Variants in CADM2 observed in about 807,000 individuals in gnomAD.
CADM2 encodes the protein immunoglobulin superfamily member 4D.
Under a neutral mutation model 49.8 loss-of-function variants are expected in CADM2, and 12 were observed. That is an observed-to-expected ratio of 0.24 (90% CI 0.15 to 0.39). The LOEUF (loss-of-function observed/expected upper bound fraction) is 0.39. Ranked by LOEUF, CADM2 falls within the 10% of genes least tolerant of loss-of-function variation. The pLI is 1.00. For missense variants in CADM2, 378 were observed against 492.3 expected (o/e 0.77, Z 2.20); for synonymous variants, 214 against 175.4 (o/e 1.22, Z -1.74).
chr3:85,452,758 G>A (rs1049618716), intron 1 of CADM2, among the ~76,000 whole-genome samples: 1 of 152,140 alleles, frequency 6.6e-6, no homozygotes, highest in African/African-American at 2.4e-5. Context: ...GGTAGCAGAT[G>A]TGATTCGCTA....
At chr3:85,914,582 C>A (rs373039292) in intron 6 of CADM2, among the ~76,000 whole-genome samples, 19 of 152,186 alleles carry the variant, frequency 1.2e-4, no homozygotes, top group Middle Eastern at 6.8e-3. Context: ...ACTTAGTTAA[C>A]GGTAATTCTA....
intron 1 of CADM2, among the ~76,000 whole-genome samples, chr3:85,699,473 A>T (rs553709671): frequency 6.6e-6 from 1 of 152,348 alleles, no homozygotes; most frequent in South Asian, 2.1e-4. Flanking sequence ...AAATCCTAAG[A>T]CATCTAGGTG....
chr3:85,657,649 G>A (rs1441968336), intron 1 of CADM2, among the ~76,000 whole-genome samples: 2 of 148,482 alleles, frequency 1.3e-5, no homozygotes, highest in Non-Finnish European at 3.0e-5. Flanking sequence ...TTTCTTTTGA[G>A]AGCAGTATAC....
chr3:85,614,137 G>T (rs1330946996), intron 1 of CADM2, among the ~76,000 whole-genome samples: 1 of 151,518 alleles, frequency 6.6e-6, no homozygotes, highest in Non-Finnish European at 1.5e-5. Flanking sequence ...AAATCCAAGT[G>T]TATTGGTATG....
chr3:84,981,271 T>G (rs1279421314), intron 1 of CADM2, among the ~76,000 whole-genome samples: 1 of 151,976 alleles, frequency 6.6e-6, no homozygotes, highest in African/African-American at 2.4e-5. Flanking sequence ...AATGATGATT[T>G]TTAAAGGTAA....
At chr3:85,063,075 G>T (rs1055515567) in intron 1 of CADM2, among the ~76,000 whole-genome samples, 1 of 151,770 alleles carries the variant, frequency 6.6e-6, no homozygotes, top group Admixed American at 6.6e-5. Flanking sequence ...AACTAAAAAT[G>T]ACTTTAATAT....
At chr3:85,272,124 T>C (rs1276455385) in intron 1 of CADM2, among the ~76,000 whole-genome samples, 1 of 150,358 alleles carries the variant, frequency 6.7e-6, no homozygotes, top group African/African-American at 2.4e-5. Context: ...TGATCCAAGG[T>C]CACAGGGCAA....
intron 1 of CADM2, among the ~76,000 whole-genome samples, chr3:85,044,022 G>T (rs1264873971): frequency 6.6e-6 from 1 of 151,986 alleles, no homozygotes. Context: ...AACACACAGT[G>T]GTTCAGCAGG....
chr3:86,013,310 T>C, intron 8 of CADM2: 8 of 1,543,656 alleles, frequency 5.2e-6, no homozygotes, highest in Non-Finnish European at 7.1e-6. Context: ...CTCTATCCCT[T>C]GAAGAGAAGG....
At chr3:86,029,363 A>G (rs971497839) in intron 8 of CADM2, among the ~76,000 whole-genome samples, 4 of 152,082 alleles carry the variant, frequency 2.6e-5, no homozygotes, top group Non-Finnish European at 5.9e-5. Context: ...TAGACTGGGG[A>G]AATATCAGAG....
chr3:85,078,850 C>T (rs1041861636), intron 1 of CADM2, among the ~76,000 whole-genome samples: 9 of 151,550 alleles, frequency 5.9e-5, no homozygotes, highest in Admixed American at 2.0e-4. Flanking sequence ...TCACTCTTGC[C>T]GTAGCACTTT....
intron 1 of CADM2, among the ~76,000 whole-genome samples, chr3:85,123,906 G>A (rs2038944574): frequency 6.6e-6 from 1 of 152,128 alleles, no homozygotes; most frequent in Non-Finnish European, 1.5e-5. Flanking sequence ...CAAGGCTATT[G>A]CAATAGGAGA....
chr3:85,678,758 T>C (rs2065955363), intron 1 of CADM2, among the ~76,000 whole-genome samples: 1 of 152,188 alleles, frequency 6.6e-6, no homozygotes, highest in Non-Finnish European at 1.5e-5. Context: ...AGTTTATTTA[T>C]TCAATTATTC....
intron 1 of CADM2, among the ~76,000 whole-genome samples, chr3:85,026,397 GC>G: frequency 1.3e-5 from 2 of 152,150 alleles, no homozygotes; most frequent in Admixed American, 1.3e-4. Context: ...ATATTTAAAT[GC>G]CAATAACTTC....
chr3:85,407,413 G>T (rs1046094430), intron 1 of CADM2, among the ~76,000 whole-genome samples: 1 of 151,934 alleles, frequency 6.6e-6, no homozygotes, highest in Non-Finnish European at 1.5e-5. Context: ...TAGATACCTC[G>T]TTTCTTTTCT....
intron 1 of CADM2, among the ~76,000 whole-genome samples, chr3:85,431,733 G>A (rs1484573999): frequency 6.6e-6 from 1 of 150,902 alleles, no homozygotes; most frequent in East Asian, 2.0e-4. Flanking sequence ...AGAGTCAGAA[G>A]GGGTTGTAGG....
chr3:85,640,515 A>G (rs1159292638), intron 1 of CADM2, among the ~76,000 whole-genome samples: 1 of 152,212 alleles, frequency 6.6e-6, no homozygotes, highest in Non-Finnish European at 1.5e-5. Context: ...TGGAGTTAGT[A>G]TTCCATGCAT....
chr3:85,403,845 A>G (rs554560208), intron 1 of CADM2, among the ~76,000 whole-genome samples: 1 of 152,242 alleles, frequency 6.6e-6, no homozygotes, highest in South Asian at 2.1e-4. Flanking sequence ...GACAATGGCT[A>G]TGTTGGTATG....
intron 3 of CADM2, among the ~76,000 whole-genome samples, chr3:85,878,425 T>C (rs11719438): frequency 0.27 from 41,103 of 151,978 alleles, 7,194 homozygotes; most frequent in African/African-American, 0.5. Context: ...GTAATAATCA[T>C]AGAAACAACT....
Sources: allele counts gnomAD v4.1 joint callset (sites outside exome capture counted in the v4.1 genomes callset), GRCh38; gene constraint gnomAD v4.1.1; transcripts MANE v1.5; gene names NCBI Gene and HGNC (gene_info 2026-07-23, HGNC 2026-07-21).